The following MCF2L2 variants were observed in gnomAD, a reference collection of about 807,000 sequenced individuals.
The protein encoded by MCF2L2 is probable guanine nucleotide exchange factor MCF2L2.
Under a neutral mutation model 150.2 loss-of-function variants are expected in MCF2L2, and 102 were observed. The ratio of observed to expected loss-of-function variants is 0.68; its 90% CI spans 0.58 to 0.80. MCF2L2 has a LOEUF of 0.80. MCF2L2 is among the 30% of genes least tolerant of loss of function. The probability of loss-of-function intolerance (pLI) is 0.00; values close to 1 mark genes in which losing one functional copy is unlikely to be tolerated. For synonymous variants in MCF2L2, 465 were observed against 491.3 expected, an observed-to-expected ratio of 0.95 and a Z score of 0.71; for missense variants, 1,256 against 1,372.8, an observed-to-expected ratio of 0.91 and a Z score of 1.34.
At chr3:183,325,870 T>C (rs1487282231) in intron 5 of MCF2L2, among the ~76,000 whole-genome samples, 1 of 152,224 alleles carries the variant, frequency 6.6e-6, no homozygotes, top group African/African-American at 2.4e-5. Flanking sequence ...CAAAGGATTA[T>C]ATTAGAAGAG....
chr3:183,274,399 C>A (rs1417612958), intron 15 of MCF2L2, among the ~76,000 whole-genome samples: 1 of 152,164 alleles, frequency 6.6e-6, no homozygotes, highest in African/African-American at 2.4e-5. Flanking sequence ...TAACCCTAAT[C>A]TCTTAATATC....
intron 10 of MCF2L2, among the ~76,000 whole-genome samples, chr3:183,302,068 A>AT (rs1728877348): frequency 1.3e-5 from 2 of 152,140 alleles, no homozygotes; most frequent in African/African-American, 4.8e-5. Context: ...ACCTCTGGGC[A>AT]TTGAGTCTCT....
intron 27 of MCF2L2, among the ~76,000 whole-genome samples, chr3:183,186,371 G>A (rs1721694120): frequency 6.6e-6 from 1 of 152,062 alleles, no homozygotes; most frequent in Non-Finnish European, 1.5e-5. Flanking sequence ...CTTTCACCTT[G>A]GCCTGCCAAA....
chr3:183,341,793 T>C (rs1044532178), intron 3 of MCF2L2, among the ~76,000 whole-genome samples, 163 bp from the exon 4 acceptor site: 34 of 152,178 alleles, frequency 2.2e-4, no homozygotes, highest in Non-Finnish European at 2.4e-4. Context: ...AGCCTGGTAA[T>C]CTTAACAAAA....
chr3:183,376,503 A>AGAGTTCAAGTTC (rs2108583586), intron 3 of MCF2L2: 1 of 152,380 alleles, frequency 6.6e-6, no homozygotes, highest in East Asian at 1.9e-4. Context: ...GGCCAAAGAC[A>AGAGTTCAAGTTC]GAGTTCAAGT....
chr3:183,406,315 G>A (rs541723049), intron 1 of MCF2L2, among the ~76,000 whole-genome samples: 14 of 152,114 alleles, frequency 9.2e-5, no homozygotes, highest in African/African-American at 2.4e-4. Flanking sequence ...TACTGATATT[G>A]AGCATATTTT....
chr3:183,368,959 T>G (rs73184954), intron 3 of MCF2L2, among the ~76,000 whole-genome samples: 6,374 of 152,304 alleles, frequency 0.042, 220 homozygotes, highest in Non-Finnish European at 0.073. Flanking sequence ...CAGAAAGGTA[T>G]TTGTGCAAAT....
At chr3:183,204,811 T>C (rs1722414577) in intron 25 of MCF2L2, among the ~76,000 whole-genome samples, 1 of 152,148 alleles carries the variant, frequency 6.6e-6, no homozygotes, top group Admixed American at 6.5e-5. Flanking sequence ...CAATGGACTG[T>C]TACTCAGCCA....
intron 15 of MCF2L2, chr3:183,269,581 C>T (rs1475155284): frequency 2.4e-5 from 11 of 462,902 alleles, no homozygotes; most frequent in Non-Finnish European, 3.8e-5. Flanking sequence ...AGAATTTTGA[C>T]GTGCCAGTGT....
chr3:183,352,049 T>G (rs1202304007), intron 3 of MCF2L2, among the ~76,000 whole-genome samples: 14 of 152,202 alleles, frequency 9.2e-5, no homozygotes, highest in Admixed American at 9.2e-4. Flanking sequence ...ACAACCAAAT[T>G]AAGAATGGAA....
intron 22 of MCF2L2, among the ~76,000 whole-genome samples, chr3:183,209,869 C>T (rs928421433): frequency 1.4e-4 from 22 of 151,858 alleles, no homozygotes; most frequent in Non-Finnish European, 3.1e-4. Context: ...AAATGAATTT[C>T]GTGTTTACAC....
At chr3:183,372,012 T>C (rs1712914914) in intron 3 of MCF2L2, 1 of 135,692 alleles carries the variant, frequency 7.4e-6, no homozygotes, top group East Asian at 2.2e-4. Context: ...TTTAGGGAGG[T>C]ATATCGTTTT....
At chr3:183,192,136 T>TTTTA (rs34932041) in intron 27 of MCF2L2, among the ~76,000 whole-genome samples, 77,775 of 146,794 alleles carry the variant, frequency 0.53, 23,455 homozygotes, top group Non-Finnish European at 0.66. Flanking sequence ...GGCATGAGTA[T>TTTTA]TTTATTTATT....
Position 183,428,115 on chromosome 3 carries a change from G to A in MCF2L2, c.-138C>T. 1.5e-6 allele frequency: 1 copy of A among 683,592 alleles called. No individual in the cohort carries two copies. The highest frequency in any genetic ancestry group is 1.7e-5 in the South Asian group (1 of 58,916). 42.3% of individuals were successfully genotyped at this position (683,592 alleles called of 1,614,324 possible). On this transcript the variant is annotated 5_prime_UTR_variant, in exon 1 of 30. Transcript: ENST00000328913. This position sits in a 1 kb window ranked among gnomAD's most constrained non-coding sequence, Gnocchi z 5.1. ...TCCTGGCTCTCCAGGCAAGAAACGAGAGTCCCTCGCAGCCTAGGCCAGCTC... is the reference window on the plus strand; with the variant it reads ...TCCTGGCTCTCCAGGCAAGAAACGAAAGTCCCTCGCAGCCTAGGCCAGCTC...
At chr3:183,324,199 G>T (rs541797128) in intron 5 of MCF2L2, among the ~76,000 whole-genome samples, 5 of 152,326 alleles carry the variant, frequency 3.3e-5, no homozygotes, top group Admixed American at 3.3e-4. Flanking sequence ...GCACTGAGGG[G>T]ATCTGGAGGT....
At chr3:183,245,224 C>A (rs774885285) in intron 15 of MCF2L2, among the ~76,000 whole-genome samples, 1 of 152,170 alleles carries the variant, frequency 6.6e-6, no homozygotes, top group Non-Finnish European at 1.5e-5. Flanking sequence ...GATTAACTAA[C>A]AGTTAATGTG....
At chr3:183,427,846 G>A in intron 1 of MCF2L2, 56 bp downstream of exon 1, 1 of 1,477,744 alleles carries the variant, frequency 6.8e-7, no homozygotes, top group South Asian at 1.1e-5. Flanking sequence ...ATGAAGCCCA[G>A]AGACCATCCT....
chr3:183,259,244 T>G (rs540011195), intron 15 of MCF2L2, among the ~76,000 whole-genome samples: 4 of 152,212 alleles, frequency 2.6e-5, no homozygotes, highest in Admixed American at 6.5e-5. Context: ...CTAGCTTGAG[T>G]GAACGTTGTT....
At chr3:183,295,279 T>C in intron 13 of MCF2L2, 21 bp downstream of exon 13, 1 of 1,586,032 alleles carries the variant, frequency 6.3e-7, no homozygotes, top group Non-Finnish European at 8.6e-7. Flanking sequence ...CCACAAAGCT[T>C]CTTTTCCTCA....
Sources: allele counts gnomAD v4.1 joint callset (sites outside exome capture counted in the v4.1 genomes callset), GRCh38; gene constraint gnomAD v4.1.1; non-coding constraint Gnocchi (gnomAD v3.1); transcripts MANE v1.5; gene names NCBI Gene and HGNC (gene_info 2026-07-23, HGNC 2026-07-21).